Variants in MYBPC2 observed in about 807,000 individuals in gnomAD.
The protein encoded by MYBPC2 is myosin binding protein C2.
MYBPC2 carries 122 observed loss-of-function variants against 137.0 expected under a neutral mutation model. The observed-to-expected ratio is 0.89, with a 90% CI of 0.77 to 1.03. MYBPC2 has a LOEUF of 1.03. Among genes scored for constraint, MYBPC2 ranks in the 50% least tolerant of loss-of-function variants. MYBPC2 has a pLI of 0.00. For missense variants in MYBPC2, 1,500 were observed against 1,534.4 expected (o/e 0.98, Z 0.37); for synonymous variants, 626 against 612.3 (o/e 1.02, Z -0.33).
chr19:50,451,066 C>A, intron 14 of MYBPC2, 131 bp downstream of exon 14: 3 of 1,027,382 alleles, frequency 2.9e-6, no homozygotes, highest in Non-Finnish European at 4.3e-6. Context: ...GTCTGTCCCG[C>A]TCATGGCTGG....
Position 50,435,258 on chromosome 19 carries a change from G to T in MYBPC2, c.109+8G>T. 1 of 1,206,710 alleles carries T rather than the reference G, an allele frequency of 8.3e-7. No individual in the cohort carries two copies. The highest frequency in any genetic ancestry group is 1.2e-6 in the Non-Finnish European group (1 of 823,796). 74.8% of individuals were successfully genotyped at this position (1,206,710 alleles called of 1,614,324 possible). A position where few individuals can be genotyped will look rare whatever the true frequency, so the allele number is the denominator to read the frequency against. ...CTGCAGAGGCCCCCAAAGGTGAGGA[G>T]GTGCTCCCTCGGGCTCAACCGACCT... On this transcript the variant is annotated splice_region_variant and intron_variant, in intron 2 of 27. Transcript: ENST00000357701. The surrounding 1 kb of genome is among the most constrained non-coding windows in gnomAD (Gnocchi z 4.8).
Position 50,451,154 on chromosome 19 carries a change from C to T in MYBPC2, c.1580-126C>T. On this transcript the variant is annotated intron_variant, in intron 14 of 27. Transcript: ENST00000357701. ...GGAGGGGTGGCTCCTGGGCCTGAAC[C>T]TGTCTCCAGCACCCCAGTTCCCAGG... The T allele has an allele frequency of 2.4e-6, 3 of 1,251,960 alleles. No homozygotes were observed. In the South Asian group the frequency reaches 4.0e-5, roughly 17 times the overall value. 77.6% of individuals were successfully genotyped at this position (1,251,960 alleles called of 1,614,324 possible). A position where few individuals can be genotyped will look rare whatever the true frequency, so the allele number is the denominator to read the frequency against.
At chr19:50,450,750 A>AG in intron 13 of MYBPC2, 79 bp from the exon 14 acceptor site, 1 of 981,892 alleles carries the variant, frequency 1.0e-6, no homozygotes, top group South Asian at 1.5e-5. Context: ...CACTGAGGGA[A>AG]GCTGATTGAG....
In MYBPC2 at chr19:50,437,534, AG is replaced by A; in HGVS notation, c.512+15del. ...GCTTCAAGCGTACGTAAGTGACCCC[AG>A]GCCCTTACCAGGGTCCCAAGGACCA... is the stretch of plus-strand genomic sequence containing the variant. On this transcript the variant is annotated intron_variant, in intron 6 of 27. Coordinates refer to ENST00000357701, the MANE Select transcript of MYBPC2 (RefSeq NM_004533.4). 1.2e-6 allele frequency: 2 copies of A among 1,608,664 alleles called. No individual in the cohort carries two copies. Among genetic ancestry groups the A allele is most frequent in the Non-Finnish European group, 1.7e-6 (2 of 1,177,460 alleles).
intron 19 of MYBPC2, 44 bp from the exon 20 acceptor site, chr19:50,455,466 G>C: frequency 6.3e-7 from 1 of 1,592,718 alleles, no homozygotes; most frequent in Non-Finnish European, 8.6e-7. Flanking sequence ...GCTGACCCCT[G>C]ACCCCTCATT....
At position 50,460,179 on chromosome 19, in the gene MYBPC2, G is replaced by A. The variant is rs1367489613; in HGVS notation, c.2931G>A (p.Met977Ile). 3 of 1,602,968 alleles carry A rather than the reference G, an allele frequency of 1.9e-6. No homozygotes were observed. In the East Asian group the frequency reaches 6.7e-5, roughly 36 times the overall value. The stretch of plus-strand genomic sequence containing the variant: ...TCCAGAAAGCAGACAAAAAAACCAT[G>A]GTGAGAGAGCAGAGGGGGAGATGGG... ...YFVQKADKKT[M>I]EWFNVYERNR... The change falls in exon 24 of 28, where the codon ATG (methionine) becomes ATA (isoleucine). Residue 977 changes from methionine to isoleucine, a missense_variant and splice_region_variant. Transcript: ENST00000357701.
At chr19:50,461,799 G>A (rs1208298019) in intron 25 of MYBPC2, 98 bp downstream of exon 25, 15 of 1,585,106 alleles carry the variant, frequency 9.5e-6, no homozygotes, top group Non-Finnish European at 1.2e-5. Context: ...TGGGGTTGAC[G>A]GCACCTAGTC....
At chr19:50,457,248 T>C (rs372149068) in intron 20 of MYBPC2, among the ~76,000 whole-genome samples, 9 of 152,236 alleles carry the variant, frequency 5.9e-5, no homozygotes, top group African/African-American at 1.9e-4. Context: ...CTTTACCCCA[T>C]TCCTCCCTGG....
At position 50,454,070 on chromosome 19, in the gene MYBPC2, C is replaced by G; in HGVS notation, c.1800C>G (p.Cys600Trp). ...CCCGCATCGAGAAGCGGGTGGACTG[C>G]AGCAGCTTTGTGATTGAGAGTGCGC... ...GRTRIEKRVDCSSFVIESAQR... is the reference protein window; with the variant it reads ...GRTRIEKRVDWSSFVIESAQR... The change falls in exon 17 of 28, where the codon TGC (cysteine) becomes TGG (tryptophan). Residue 600 changes from cysteine (C) to tryptophan (W), a missense_variant. By Grantham distance (215) the Cys-to-Trp change is radical. Transcript: ENST00000357701. 1 of 1,610,542 alleles carries G rather than the reference C, an allele frequency of 6.2e-7. No homozygotes were observed.
chr19:50,446,936 G>A (rs1461286932), intron 12 of MYBPC2, among the ~76,000 whole-genome samples: 20 of 150,926 alleles, frequency 1.3e-4, no homozygotes, highest in Non-Finnish European at 2.2e-4. Context: ...GCAGTGAGCC[G>A]AGATTGTGCC....
rs371850521 is a variant in MYBPC2 at position 50,451,979 on chromosome 19, C to G, written c.1725C>G (p.Val575=). ...DVSITGEPPP[V]ATWLKGDEVF... is the part of the protein sequence containing the mutation. ...CCATCACAGGGGAGCCCCCTCCCGT[C>G]GCTACCTGGCTGAAGGGAGATGAGG... Residue 575 remains valine, a synonymous_variant, in exon 16 of 28, where the codon GTC becomes GTG. Coordinates refer to ENST00000357701, the MANE Select transcript of MYBPC2 (RefSeq NM_004533.4). The G allele has an allele frequency of 1.3e-6, 2 of 1,553,270 alleles. No individual in the cohort carries two copies. The highest frequency in any genetic ancestry group is 2.0e-5 in the Admixed American group (1 of 51,074).
At chr19:50,460,725 G>T (rs974278290) in intron 24 of MYBPC2, among the ~76,000 whole-genome samples, 4 of 152,166 alleles carry the variant, frequency 2.6e-5, no homozygotes, top group African/African-American at 9.7e-5. Context: ...TTGAGACAGG[G>T]TCTTACTCTG....
chr19:50,459,192 T>C lies in MYBPC2; in HGVS notation c.2677T>C (p.Phe893Leu). 1 of 1,609,124 alleles carries C rather than the reference T, an allele frequency of 6.2e-7. No homozygotes were observed. The highest frequency in any genetic ancestry group is 8.5e-7 in the Non-Finnish European group (1 of 1,178,948). ...CCGCGTGCACGTGCGGACCAGCGAC[T>C]TCGACACCGTGTTCTTCGTGCGCCA... ...TSRVHVRTSD[F>L]DTVFFVRQAA... The change falls in exon 23 of 28, where the codon TTC becomes CTC. Residue 893 changes from phenylalanine to leucine, a missense_variant. By Grantham distance (22) the Phe-to-Leu change is conservative. Coordinates refer to ENST00000357701, the MANE Select transcript of MYBPC2 (RefSeq NM_004533.4).
rs541232218 is a variant in MYBPC2, at chr19:50,454,098, C to T, written c.1828C>T (p.Arg610Trp). The T allele has an allele frequency of 3.3e-5, 53 of 1,612,038 alleles. 1 individual carries two copies. The highest frequency in any genetic ancestry group is 2.1e-4 in the South Asian group (19 of 90,656). Residue 610 changes from arginine to tryptophan, a missense_variant, in exon 17 of 28, where the codon CGG becomes TGG. Physicochemically the swap from Arg to Trp is moderately radical, Grantham distance 101 (BLOSUM62 -3). Transcript: ENST00000357701. ...CAGCTTTGTGATTGAGAGTGCGCAG[C>T]GGGAAGACGAGGGCCGCTACACCAT... ...CSSFVIESAQREDEGRYTIKV... is the reference protein window; with the variant it reads ...CSSFVIESAQWEDEGRYTIKV...
chr19:50,446,818 CAA>C (rs746953730), intron 12 of MYBPC2, among the ~76,000 whole-genome samples: 40 of 102,428 alleles, frequency 3.9e-4, no homozygotes, highest in African/African-American at 9.0e-4. Flanking sequence ...GACTCTGTCT[CAA>C]AAAAAAAAAA....
At chr19:50,453,572 C>T (rs2039880085) in intron 16 of MYBPC2, among the ~76,000 whole-genome samples, 1 of 151,116 alleles carries the variant, frequency 6.6e-6, no homozygotes, top group African/African-American at 2.4e-5. Context: ...TGGAGTTTTG[C>T]TCTTGTTGCC....
intron 5 of MYBPC2, 30 bp downstream of exon 5, chr19:50,436,764 G>A (rs1486532884): frequency 2.5e-6 from 4 of 1,599,884 alleles, no homozygotes; most frequent in East Asian, 4.5e-5. Flanking sequence ...GGGAGCAAAG[G>A]GTTCTATGTC....
intron 23 of MYBPC2, 107 bp from the exon 24 acceptor site, chr19:50,459,933 A>AT: frequency 6.8e-7 from 1 of 1,463,548 alleles, no homozygotes; most frequent in Non-Finnish European, 9.3e-7. Flanking sequence ...GGAATGGGGC[A>AT]TAAGAGAGGT....
At chr19:50,446,639 G>A (rs1382960056) in intron 12 of MYBPC2, among the ~76,000 whole-genome samples, 1 of 151,172 alleles carries the variant, frequency 6.6e-6, no homozygotes, top group Non-Finnish European at 1.5e-5. Flanking sequence ...GGCCAACATG[G>A]CGAAAACCCA....
Sources: allele counts gnomAD v4.1 joint callset (sites outside exome capture counted in the v4.1 genomes callset), GRCh38; gene constraint gnomAD v4.1.1; non-coding constraint Gnocchi (gnomAD v3.1); transcripts MANE v1.5; gene names NCBI Gene and HGNC (gene_info 2026-07-23, HGNC 2026-07-21).